Variants in KIRREL3 observed in about 807,000 individuals in gnomAD.
KIRREL3 encodes kin of IRRE-like protein 3.
Under a neutral mutation model 89.7 loss-of-function variants are expected in KIRREL3, and 36 were observed. That is an observed-to-expected ratio of 0.40 (90% CI 0.31 to 0.53). The LOEUF is 0.53. Among genes scored for constraint, KIRREL3 ranks in the 20% least tolerant of loss-of-function variants. KIRREL3 has a pLI of 0.49. For synonymous variants in KIRREL3, 445 were observed against 441.4 expected (o/e 1.01, Z -0.10); for missense variants, 864 against 1,056.6 (o/e 0.82, Z 2.53).
intron 1 of KIRREL3, among the ~76,000 whole-genome samples, chr11:126,770,455 T>C (rs1949984826): frequency 6.6e-6 from 1 of 152,208 alleles, no homozygotes; most frequent in South Asian, 2.1e-4. Context: ...GTGTGATTCA[T>C]TTGCACCAGG....
intron 1 of KIRREL3, among the ~76,000 whole-genome samples, chr11:126,813,336 C>G (rs1255287005): frequency 6.6e-6 from 1 of 152,182 alleles, no homozygotes; most frequent in Admixed American, 6.5e-5. Flanking sequence ...AAGCACCTCT[C>G]CCACCTGTGT....
chr11:126,657,510 G>T (rs1284574317), intron 1 of KIRREL3, among the ~76,000 whole-genome samples: 1 of 152,230 alleles, frequency 6.6e-6, no homozygotes, highest in African/African-American at 2.4e-5. Flanking sequence ...CAAGGCCAGA[G>T]TGGGACAAGC....
chr11:126,936,306 G>A (rs2135084366), intron 1 of KIRREL3: 1 of 152,274 alleles, frequency 6.6e-6, no homozygotes, highest in South Asian at 2.1e-4. Flanking sequence ...AATGTTAAAT[G>A]TTACAGCCAC....
At chr11:126,842,975 A>G (rs1321704634) in intron 1 of KIRREL3, among the ~76,000 whole-genome samples, 1 of 151,860 alleles carries the variant, frequency 6.6e-6, no homozygotes, top group Non-Finnish European at 1.5e-5. Flanking sequence ...CTGTAAATGC[A>G]GGGCCTTTAC....
chr11:126,885,924 A>T (rs968868202), intron 1 of KIRREL3, among the ~76,000 whole-genome samples: 1 of 152,256 alleles, frequency 6.6e-6, no homozygotes, highest in African/African-American at 2.4e-5. Flanking sequence ...TGATTATGGG[A>T]TATTGAACCT....
At position 126,864,040 on chromosome 11, in the gene KIRREL3, T is replaced by C. The variant is rs145093987; in HGVS notation, c.55+136415A>G. Among the ~76,000 whole-genome samples, 740 of 152,244 alleles carry C rather than the reference T, an allele frequency of 4.9e-3. 14 individuals are homozygous for C. Among genetic ancestry groups the C allele is most frequent in the Admixed American group, 0.016 (242 of 15,286 alleles). Reference sequence around the variant, plus strand: ...TGAAGTGGGTACTAGTTTCCTCCGCTCCTCCCCAACCGGGCATCCTCCTTA... The same window carrying C: ...TGAAGTGGGTACTAGTTTCCTCCGCCCCTCCCCAACCGGGCATCCTCCTTA... On this transcript the variant is annotated intron_variant, in intron 1 of 16. Coordinates refer to ENST00000525144, the MANE Select transcript of KIRREL3 (RefSeq NM_032531.4).
At chr11:126,786,246 G>A (rs1438068412) in intron 1 of KIRREL3, among the ~76,000 whole-genome samples, 1 of 152,090 alleles carries the variant, frequency 6.6e-6, no homozygotes, top group Non-Finnish European at 1.5e-5. Context: ...TATGAGTAAA[G>A]ATAATTACTA....
intron 4 of KIRREL3, among the ~76,000 whole-genome samples, chr11:126,504,680 C>T (rs889539139): frequency 6.6e-6 from 1 of 152,210 alleles, no homozygotes; most frequent in Non-Finnish European, 1.5e-5. Flanking sequence ...TTACCTGATA[C>T]TAAAGCCAGA....
At chr11:126,929,800 A>G (rs1248788403) in intron 1 of KIRREL3, among the ~76,000 whole-genome samples, 3 of 152,202 alleles carry the variant, frequency 2.0e-5, no homozygotes, top group Non-Finnish European at 1.5e-5. Flanking sequence ...GAGCGATTCC[A>G]CGCTAAACAT....
rs1267117437 is a variant in KIRREL3 at position 126,520,428 on chromosome 11, G to A, written c.433+887C>T. The stretch of plus-strand genomic sequence containing the variant: ...TGTGGGCCTTAGTATCTCATCTGGG[G>A]TAACAGTCCCTGTCCCACCGAGCAG... On this transcript the variant is annotated intron_variant, in intron 4 of 16. Transcript: ENST00000525144. The surrounding 1 kb of genome is among the most constrained non-coding windows in gnomAD (Gnocchi z 4.9). 1.3e-5 allele frequency among the ~76,000 whole-genome samples: 2 copies of A among 152,112 alleles called. No individual in the cohort carries two copies. Among genetic ancestry groups the A allele is most frequent in the Non-Finnish European group, 2.9e-5 (2 of 68,024 alleles).
upstream of KIRREL3, among the ~76,000 whole-genome samples, chr11:127,002,575 T>C (rs1221943257): frequency 6.6e-6 from 1 of 152,220 alleles, no homozygotes; most frequent in Non-Finnish European, 1.5e-5. Context: ...AATAACTCTA[T>C]GTATAGCGCC....
intron 1 of KIRREL3, among the ~76,000 whole-genome samples, chr11:126,967,995 C>T (rs985603333): frequency 5.9e-5 from 9 of 152,112 alleles, no homozygotes; most frequent in African/African-American, 2.2e-4. Flanking sequence ...CCAGCCAAGC[C>T]CTATTTTCCT....
intron 6 of KIRREL3, among the ~76,000 whole-genome samples, chr11:126,458,349 G>A (rs941867351): frequency 1.3e-5 from 2 of 152,258 alleles, no homozygotes; most frequent in East Asian, 3.8e-4. Context: ...CAAGGCCCCA[G>A]CTGGCCCAGT....
chr11:126,530,550 C>G lies in KIRREL3; in HGVS notation c.134-3863G>C, dbSNP rs1958909885. Among the ~76,000 whole-genome samples, 1 of 152,208 alleles carries G rather than the reference C, an allele frequency of 6.6e-6. No individual in the cohort carries two copies. Among genetic ancestry groups the G allele is most frequent in the Non-Finnish European group, 1.5e-5 (1 of 68,038 alleles). On this transcript the variant is annotated intron_variant, in intron 2 of 16. Transcript: ENST00000525144. The surrounding 1 kb of genome is among the most constrained non-coding windows in gnomAD (Gnocchi z 5.8). The stretch of plus-strand genomic sequence containing the variant: ...ACACTGACCGGACCCTGCTGTGAGG[C>G]AGGCACTGTGCTGTCTGGTGAGGAG...
rs1940339783 is a variant in KIRREL3, at chr11:126,564,154, A to G, written c.56-1242T>C. Among the ~76,000 whole-genome samples the G allele has an allele frequency of 6.6e-6, 1 of 152,238 alleles. No individual in the cohort carries two copies. The highest frequency in any genetic ancestry group is 1.5e-5 in the Non-Finnish European group (1 of 68,048). ...CTCCTTCCTTTGATTTCTCAGAGAA[A>G]GAGGGTCCCAATGAGTGATGCATCA... On this transcript the variant is annotated intron_variant, in intron 1 of 16. Coordinates refer to ENST00000525144, the MANE Select transcript of KIRREL3 (RefSeq NM_032531.4). The surrounding 1 kb of genome is among the most constrained non-coding windows in gnomAD (Gnocchi z 7.4).
In KIRREL3 at chr11:126,476,411, C is replaced by G. The variant is rs535680784; in HGVS notation, c.434-2945G>C. ...TCCCGAGAATCCAAGACCCAGAGGACGGGCCCTTCCTCCTTGTGGCTGGAG... is the reference window on the plus strand; with the variant it reads ...TCCCGAGAATCCAAGACCCAGAGGAGGGGCCCTTCCTCCTTGTGGCTGGAG... On this transcript the variant is annotated intron_variant, in intron 4 of 16. Transcript: ENST00000525144. The surrounding 1 kb of genome is among the most constrained non-coding windows in gnomAD (Gnocchi z 6.4). Among the ~76,000 whole-genome samples, 1 of 152,100 alleles carries G rather than the reference C, an allele frequency of 6.6e-6. No individual in the cohort carries two copies. The highest frequency in any genetic ancestry group is 2.4e-5 in the African/African-American group (1 of 41,406).
chr11:126,625,535 C>T (rs1331403605), intron 1 of KIRREL3, among the ~76,000 whole-genome samples: 1 of 152,134 alleles, frequency 6.6e-6, no homozygotes, highest in Non-Finnish European at 1.5e-5. Flanking sequence ...CCAATCTTGT[C>T]ACTCCCTAGC....
chr11:126,646,933 G>A (rs1403437638), intron 1 of KIRREL3, among the ~76,000 whole-genome samples: 1 of 151,952 alleles, frequency 6.6e-6, no homozygotes, highest in Admixed American at 6.6e-5. Context: ...ATCACATGTT[G>A]CACCACCGAT....
Position 126,917,487 on chromosome 11 carries a change from A to G in KIRREL3, c.55+82968T>C, listed in dbSNP as rs567573770. On this transcript the variant is annotated intron_variant, in intron 1 of 16. Coordinates refer to ENST00000525144, the MANE Select transcript of KIRREL3 (RefSeq NM_032531.4). This position sits in a 1 kb window ranked among gnomAD's most constrained non-coding sequence, Gnocchi z 5.0. ...GTATATATTTTACCACAATAAAAAA[A>G]TTAAAAAAAAACAAGGAAAAACCTG... 1.3e-5 allele frequency among the ~76,000 whole-genome samples: 2 copies of G among 148,972 alleles called. No homozygotes were observed. Among genetic ancestry groups the G allele is most frequent in the African/African-American group, 2.5e-5 (1 of 39,320 alleles).
Sources: gnomAD v4.1 joint callset for allele counts (sites outside exome capture counted in the v4.1 genomes callset) on GRCh38, gnomAD v4.1.1 for gene constraint, Gnocchi (gnomAD v3.1) non-coding constraint, MANE v1.5 for transcripts, NCBI Gene and HGNC (gene_info 2026-07-23, HGNC 2026-07-21) for gene names.